Variants in CCSER1 observed in about 807,000 individuals in gnomAD.
The protein encoded by CCSER1 is coiled-coil serine rich protein 1.
Under a neutral mutation model 82.0 loss-of-function variants are expected in CCSER1, and 41 were observed. The observed-to-expected ratio is 0.50, with a 90% CI of 0.39 to 0.65. The LOEUF is 0.65. CCSER1 is among the 30% of genes least tolerant of loss of function. The pLI is 0.00. For synonymous variants in CCSER1, 414 were observed against 383.9 expected, an observed-to-expected ratio of 1.08 and a Z score of -0.92; for missense variants, 1,119 against 1,064.2, an observed-to-expected ratio of 1.05 and a Z score of -0.72.
intron 10 of CCSER1, among the ~76,000 whole-genome samples, chr4:91,188,124 C>T (rs988685423): frequency 3.3e-5 from 5 of 152,074 alleles, no homozygotes; most frequent in Admixed American, 6.5e-5. Context: ...ATATCTACCA[C>T]GATTCTTCAT....
intron 3 of CCSER1, among the ~76,000 whole-genome samples, chr4:90,343,852 G>T (rs1355479998): frequency 1.3e-5 from 2 of 152,080 alleles, no homozygotes; most frequent in African/African-American, 4.8e-5. Flanking sequence ...AAATGGGGTA[G>T]CCATGCCCTC....
intron 1 of CCSER1, among the ~76,000 whole-genome samples, chr4:90,245,084 A>G (rs540705114): frequency 2.6e-5 from 4 of 152,290 alleles, no homozygotes; most frequent in African/African-American, 9.6e-5. Context: ...CTGGCATCAA[A>G]ACGATGCACA....
At chr4:90,624,137 C>G (rs555090298) in intron 5 of CCSER1, among the ~76,000 whole-genome samples, 3 of 152,188 alleles carry the variant, frequency 2.0e-5, no homozygotes, top group African/African-American at 7.2e-5. Context: ...AAATTTGGTT[C>G]AGAAATCACA....
chr4:90,232,906 A>C (rs1367904124), intron 1 of CCSER1, among the ~76,000 whole-genome samples: 1 of 151,514 alleles, frequency 6.6e-6, no homozygotes, highest in Non-Finnish European at 1.5e-5. Context: ...GAGAAATGCA[A>C]ATCAAAACCA....
intron 10 of CCSER1, among the ~76,000 whole-genome samples, chr4:91,349,694 C>A (rs1748335673): frequency 6.6e-6 from 1 of 150,716 alleles, no homozygotes; most frequent in East Asian, 1.9e-4. Flanking sequence ...CTGCTGGAAG[C>A]AAGAGAGTTT....
At chr4:90,453,559 A>G (rs779548011) in intron 4 of CCSER1, among the ~76,000 whole-genome samples, 16 of 152,078 alleles carry the variant, frequency 1.1e-4, no homozygotes, top group East Asian at 1.9e-4. Context: ...GGCTCAGCCA[A>G]TTTTCCCTGG....
intron 9 of CCSER1, among the ~76,000 whole-genome samples, chr4:90,965,024 C>A (rs1231607245): frequency 6.6e-6 from 1 of 152,026 alleles, no homozygotes; most frequent in Non-Finnish European, 1.5e-5. Context: ...CCCCCAAAAG[C>A]CTCATTCCCA....
At chr4:90,661,705 C>T (rs956441483) in intron 6 of CCSER1, among the ~76,000 whole-genome samples, 1 of 152,068 alleles carries the variant, frequency 6.6e-6, no homozygotes, top group African/African-American at 2.4e-5. Context: ...GAGTGTCCTA[C>T]TTAAATCGTA....
chr4:90,748,437 T>G (rs1274621775), intron 7 of CCSER1, among the ~76,000 whole-genome samples: 8 of 150,000 alleles, frequency 5.3e-5, no homozygotes, highest in Admixed American at 5.3e-4. Context: ...AGTCTATCAT[T>G]GTTGGACATT....
At chr4:91,594,075 C>G (rs536040906) in intron 10 of CCSER1, among the ~76,000 whole-genome samples, 16 of 152,052 alleles carry the variant, frequency 1.1e-4, no homozygotes, top group African/African-American at 3.6e-4. Flanking sequence ...AATAAGCTAG[C>G]TGCATGACAA....
chr4:91,260,839 C>T (rs1741066018), intron 10 of CCSER1, among the ~76,000 whole-genome samples: 1 of 152,152 alleles, frequency 6.6e-6, no homozygotes, highest in Admixed American at 6.5e-5. Flanking sequence ...CGGCTCACTG[C>T]AAGCTCCACC....
At chr4:91,169,201 T>TAAAAAAAA (rs57715555) in intron 10 of CCSER1, among the ~76,000 whole-genome samples, 1 of 122,990 alleles carries the variant, frequency 8.1e-6, no homozygotes. Flanking sequence ...CAATAAATAC[T>TAAAAAAAA]AAAAAAAAAA....
intron 10 of CCSER1, among the ~76,000 whole-genome samples, chr4:91,391,304 TTTTTA>T (rs1751635823): frequency 1.3e-5 from 2 of 152,122 alleles, no homozygotes; most frequent in Admixed American, 1.3e-4. Context: ...CTATCTGTTA[TTTTTA>T]TTTTTTATTG....
At chr4:90,131,603 AAT>A (rs1341930238) in intron 1 of CCSER1, among the ~76,000 whole-genome samples, 1 of 151,980 alleles carries the variant, frequency 6.6e-6, no homozygotes, top group Non-Finnish European at 1.5e-5. Flanking sequence ...TATTTCATAT[AAT>A]AGTTTATTTT....
intron 10 of CCSER1, among the ~76,000 whole-genome samples, chr4:91,102,960 T>C (rs887353865): frequency 1.3e-5 from 2 of 152,246 alleles, no homozygotes; most frequent in Non-Finnish European, 2.9e-5. Flanking sequence ...TATCATATCA[T>C]AGTAAGATTT....
intron 4 of CCSER1, among the ~76,000 whole-genome samples, chr4:90,448,485 A>ATATATATT (rs1553914348): frequency 3.2e-5 from 4 of 124,096 alleles, no homozygotes; most frequent in African/African-American, 1.3e-4. Flanking sequence ...ATATATATAT[A>ATATATATT]GCACTTTTCT....
intron 4 of CCSER1, among the ~76,000 whole-genome samples, chr4:90,459,607 T>C (rs1321883063): frequency 1.3e-5 from 2 of 152,170 alleles, no homozygotes. Flanking sequence ...ATGGCTTCTT[T>C]CTGTGTCTTC....
chr4:90,620,514 C>G (rs1291720362), intron 5 of CCSER1, among the ~76,000 whole-genome samples: 2 of 152,152 alleles, frequency 1.3e-5, no homozygotes, highest in African/African-American at 4.8e-5. Context: ...AACACAAGTA[C>G]TGTCCCTGTT....
chr4:90,733,387 T>A (rs1007411617), intron 7 of CCSER1, among the ~76,000 whole-genome samples: 2 of 152,206 alleles, frequency 1.3e-5, no homozygotes, highest in Non-Finnish European at 2.9e-5. Flanking sequence ...CATTGTTAAT[T>A]TTTTGTCCTA....
Sources: allele counts gnomAD v4.1 joint callset (sites outside exome capture counted in the v4.1 genomes callset), GRCh38; gene constraint gnomAD v4.1.1; transcripts MANE v1.5; gene names NCBI Gene and HGNC (gene_info 2026-07-23, HGNC 2026-07-21).